The following RARB variants were observed in gnomAD, a reference collection of about 807,000 sequenced individuals.
RARB encodes the protein retinoic acid receptor beta.
Under a neutral mutation model 51.9 loss-of-function variants are expected in RARB, and 17 were observed. The observed-to-expected ratio is 0.33, with a 90% CI of 0.22 to 0.49. The LOEUF (loss-of-function observed/expected upper bound fraction) is 0.49. RARB is among the 20% of genes least tolerant of loss of function. RARB has a pLI of 0.99. For missense variants in RARB, 369 were observed against 550.8 expected, an observed-to-expected ratio of 0.67 and a Z score of 3.30; for synonymous variants, 215 against 195.4, an observed-to-expected ratio of 1.10 and a Z score of -0.84.
At chr3:25,022,476 C>A (rs1176125470) in intron 2 of RARB, among the ~76,000 whole-genome samples, 1 of 152,142 alleles carries the variant, frequency 6.6e-6, no homozygotes, top group Non-Finnish European at 1.5e-5. Flanking sequence ...GGAGTAGTTT[C>A]TAATTTTTTA....
At chr3:25,113,650 C>A (rs531094255) in intron 3 of RARB, among the ~76,000 whole-genome samples, 27 of 152,240 alleles carry the variant, frequency 1.8e-4, no homozygotes, top group Non-Finnish European at 2.6e-4. Flanking sequence ...GTCCCCAGAA[C>A]CTTCTTAGCT....
chr3:24,926,798 A>G (rs1349247210), intron 2 of RARB, among the ~76,000 whole-genome samples: 3 of 152,092 alleles, frequency 2.0e-5, no homozygotes, highest in Admixed American at 6.6e-5. Flanking sequence ...AACAAACTAT[A>G]TTGTTCAAAT....
chr3:25,126,150 TAA>T (rs1177471284), intron 3 of RARB, among the ~76,000 whole-genome samples: 1 of 152,206 alleles, frequency 6.6e-6, no homozygotes, highest in Non-Finnish European at 1.5e-5. Flanking sequence ...TTTTTTTCAT[TAA>T]AAACATCATA....
At chr3:25,178,725 C>T (rs1055218973) in intron 5 of RARB, among the ~76,000 whole-genome samples, 6 of 152,174 alleles carry the variant, frequency 3.9e-5, no homozygotes, top group South Asian at 2.1e-4. Flanking sequence ...TATCAGTTTT[C>T]GTCACAATGG....
Position 25,488,883 on chromosome 3 carries a change from C to T in RARB, c.307-12299C>T, listed in dbSNP as rs80302234. 5.8e-3 allele frequency among the ~76,000 whole-genome samples: 884 copies of T among 152,324 alleles called. 8 individuals are homozygous for T. Among genetic ancestry groups the T allele is most frequent in the African/African-American group, 0.02 (833 of 41,570 alleles). On this transcript the variant is annotated intron_variant, in intron 2 of 7. Transcript: ENST00000330688. ...AATTGAAAACTGGAGAACAATCTAA[C>T]TAATTGGCAGGTACCTCTTTTATTA...
chr3:25,413,024 GAAA>G (rs796909356), intron 5 of RARB, among the ~76,000 whole-genome samples: 1 of 140,606 alleles, frequency 7.1e-6, no homozygotes. Flanking sequence ...CATCTTGGGG[GAAA>G]AAAAAAAAAG....
chr3:25,399,856 T>C (rs1390377013), intron 5 of RARB, among the ~76,000 whole-genome samples: 1 of 152,192 alleles, frequency 6.6e-6, no homozygotes, highest in Non-Finnish European at 1.5e-5. Flanking sequence ...CCTCTGGGTC[T>C]CCCACCACGA....
At chr3:25,591,404 G>A (rs138561715) in intron 5 of RARB, among the ~76,000 whole-genome samples, 69 of 152,270 alleles carry the variant, frequency 4.5e-4, no homozygotes, top group African/African-American at 1.6e-3. Context: ...CAGTAAGGCC[G>A]ATATCGAAAT....
At chr3:25,360,614 C>T (rs954579166) in intron 5 of RARB, among the ~76,000 whole-genome samples, 13 of 152,010 alleles carry the variant, frequency 8.6e-5, no homozygotes, top group East Asian at 3.9e-4. Flanking sequence ...TGGCTGGTAC[C>T]GGTTTTTCCT....
At chr3:25,413,063 C>T (rs767522516) in intron 5 of RARB, among the ~76,000 whole-genome samples, 1 of 151,708 alleles carries the variant, frequency 6.6e-6, no homozygotes, top group African/African-American at 2.4e-5. Context: ...AAAATATGAC[C>T]CGAACACCAA....
intron 2 of RARB, among the ~76,000 whole-genome samples, chr3:25,475,398 C>A (rs1695898371): frequency 6.6e-6 from 1 of 150,502 alleles, no homozygotes. Context: ...ATCCAAATAA[C>A]AAAGGGGGGG....
chr3:25,516,494 T>C (rs1385868319), intron 3 of RARB, among the ~76,000 whole-genome samples: 1 of 152,200 alleles, frequency 6.6e-6, no homozygotes, highest in Non-Finnish European at 1.5e-5. Context: ...TTCAAATGAA[T>C]AATCAAATTG....
At chr3:25,057,754 GAA>G (rs1698467738) in intron 2 of RARB, among the ~76,000 whole-genome samples, 1 of 151,914 alleles carries the variant, frequency 6.6e-6, no homozygotes, top group South Asian at 2.1e-4. Context: ...CTTACTAGAA[GAA>G]GACTATTCCA....
At chr3:25,191,185 C>T (rs1162443926) in intron 5 of RARB, among the ~76,000 whole-genome samples, 2 of 152,058 alleles carry the variant, frequency 1.3e-5, no homozygotes, top group Non-Finnish European at 2.9e-5. Flanking sequence ...AAACCCCAAG[C>T]AAACATATTT....
At chr3:25,165,411 T>A (rs1358754362) in intron 4 of RARB, among the ~76,000 whole-genome samples, 1 of 152,176 alleles carries the variant, frequency 6.6e-6, no homozygotes, top group African/African-American at 2.4e-5. Flanking sequence ...GCAGTAAGAC[T>A]CTGATAGGAT....
At chr3:25,499,730 G>A (rs893377244) in intron 2 of RARB, among the ~76,000 whole-genome samples, 1 of 152,174 alleles carries the variant, frequency 6.6e-6, no homozygotes, top group Non-Finnish European at 1.5e-5. Context: ...GACAAAGCTG[G>A]TTTAAAGGAG....
At chr3:24,910,636 A>G (rs994669295) in intron 2 of RARB, among the ~76,000 whole-genome samples, 11 of 152,148 alleles carry the variant, frequency 7.2e-5, no homozygotes, top group African/African-American at 2.7e-4. Context: ...CTGGTCTGGT[A>G]GTTTTTTCTC....
intron 2 of RARB, among the ~76,000 whole-genome samples, chr3:24,957,512 A>C (rs1696042685): frequency 6.6e-6 from 1 of 152,210 alleles, no homozygotes; most frequent in African/African-American, 2.4e-5. Context: ...AAAAAGATCC[A>C]GTGTACACAA....
intron 3 of RARB, among the ~76,000 whole-genome samples, chr3:25,070,680 C>T (rs993804): frequency 0.75 from 113,668 of 152,156 alleles, 42,655 homozygotes; most frequent in East Asian, 0.82. Flanking sequence ...GTGCTTTACA[C>T]TCCTTTAACC....
Sources: allele counts gnomAD v4.1 joint callset (sites outside exome capture counted in the v4.1 genomes callset), GRCh38; gene constraint gnomAD v4.1.1; transcripts MANE v1.5; gene names NCBI Gene and HGNC (gene_info 2026-07-23, HGNC 2026-07-21).